The following ZAN variants were observed in gnomAD, a reference collection of about 807,000 sequenced individuals.
ZAN encodes zonadhesin.
Under a neutral mutation model 286.2 loss-of-function variants are expected in ZAN, and 260 were observed. The observed-to-expected ratio is 0.91, with a 90% CI of 0.82 to 1.01. The LOEUF is 1.01. ZAN is among the 50% of genes least tolerant of loss of function. The pLI is 0.00. For missense variants in ZAN, 3,410 were observed against 3,639.2 expected (o/e 0.94, Z 1.62); for synonymous variants, 1,368 against 1,417.5 (o/e 0.97, Z 0.79).
At chr7:100,789,682 C>T (rs781174957) in intron 39 of ZAN, among the ~76,000 whole-genome samples, 66 of 152,244 alleles carry the variant, frequency 4.3e-4, no homozygotes, top group Non-Finnish European at 8.7e-4. Context: ...CAGTGGCTCA[C>T]GCCTGTAATC....
At position 100,752,521 on chromosome 7, in the gene ZAN, G is replaced by A; in HGVS notation, c.2416G>A (p.Glu806Lys). 1 of 1,611,562 alleles carries A rather than the reference G, an allele frequency of 6.2e-7. No individual in the cohort carries two copies. The highest frequency in any genetic ancestry group is 8.5e-7 in the Non-Finnish European group (1 of 1,179,544). Residue 806 changes from glutamate to lysine, a missense_variant, in exon 14 of 48, where the codon GAG (glutamate) becomes AAG (lysine). Physicochemically the swap from Glu to Lys is moderately conservative, Grantham distance 56 (BLOSUM62 1). Coordinates refer to ENST00000613979, the MANE Select transcript of ZAN (RefSeq NM_003386.3). ...ISTEEPTTPTEETTISTEKPS... is the reference protein window; with the variant it reads ...ISTEEPTTPTKETTISTEKPS... ...CACAGAAGAGCCCACCACCCCCACTGAGGAGACCACCATCTCCACAGAAAA... is the reference window on the plus strand; with the variant it reads ...CACAGAAGAGCCCACCACCCCCACTAAGGAGACCACCATCTCCACAGAAAA...
chr7:100,791,256 C>T (rs1811937340), intron 40 of ZAN, 143 bp downstream of exon 40: 1 of 1,131,628 alleles, frequency 8.8e-7, no homozygotes, highest in African/African-American at 1.6e-5. Context: ...TTCCGTCATT[C>T]CCTCTCATCT....
At position 100,779,538 on chromosome 7, in the gene ZAN, C is replaced by T. The variant is rs545777892; in HGVS notation, c.6410C>T (p.Ala2137Val). ...GNCRAADLRR[A>V]REKCEAALRA... ...TGCAGGGCGGCCGACCTCCGCAGGG[C>T]GCGGGAAAAGTGCGAGGCAGCGCTC... The change falls in exon 35 of 48, where the codon GCG (alanine) becomes GTG (valine). Residue 2137 changes from alanine to valine, a missense_variant. Transcript: ENST00000613979. 39 of 1,612,356 alleles carry T rather than the reference C, an allele frequency of 2.4e-5. No homozygotes were observed. The highest frequency in any genetic ancestry group is 2.3e-4 in the African/African-American group (17 of 75,064).
At chr7:100,783,805 C>CATATATATACACATAT (rs1554409817) in intron 35 of ZAN, among the ~76,000 whole-genome samples, 17 of 22,846 alleles carry the variant, frequency 7.4e-4, no homozygotes, top group Admixed American at 2.2e-3. Context: ...TATATACACA[C>CATATATATACACATAT]ATATATATAT....
rs907404442 is a variant in ZAN at position 100,739,744 on chromosome 7, G to A, written c.766+1131G>A. On this transcript the variant is annotated intron_variant, in intron 7 of 47. Transcript: ENST00000613979. ...TCTATCTCGGCTCACTGCAAGCTCC[G>A]CTGCCCAGGTTCAATTGATTCTCCT... Among the ~76,000 whole-genome samples the A allele has an allele frequency of 2.9e-5, 4 of 139,460 alleles. 1 individual carries two copies. The highest frequency in any genetic ancestry group is 1.4e-4 in the Admixed American group (2 of 14,150). 91.5% of individuals were successfully genotyped at this position (139,460 alleles called of 152,430 possible).
chr7:100,742,975 A>G (rs1424161764), intron 7 of ZAN, among the ~76,000 whole-genome samples: 1 of 125,606 alleles, frequency 8.0e-6, no homozygotes, highest in African/African-American at 2.9e-5. Context: ...GTCGATGCAG[A>G]GAGGCTGTTT....
At chr7:100,776,223 CAGG>C (rs1428858096) in intron 33 of ZAN, among the ~76,000 whole-genome samples, 1 of 149,420 alleles carries the variant, frequency 6.7e-6, no homozygotes, top group Non-Finnish European at 1.5e-5. Context: ...GAGGCTGAGG[CAGG>C]AGGGTTGCTT....
At chr7:100,792,994 A>AAAAAAAAAAAAG (rs1554412977) in intron 42 of ZAN, among the ~76,000 whole-genome samples, 1 of 120,150 alleles carries the variant, frequency 8.3e-6, no homozygotes, top group African/African-American at 3.0e-5. Flanking sequence ...AAAAAAAAAA[A>AAAAAAAAAAAAG]AAAGAAAGAA....
At chr7:100,770,966 G>T (rs572146279) in intron 28 of ZAN, among the ~76,000 whole-genome samples, 1 of 152,256 alleles carries the variant, frequency 6.6e-6, no homozygotes, top group East Asian at 1.9e-4. Context: ...ACCACACCCG[G>T]CTAGTTTTTG....
At chr7:100,742,870 CGAGGGAGAGG>C (rs1413788541) in intron 7 of ZAN, among the ~76,000 whole-genome samples, 9 of 802 alleles carry the variant, frequency 0.011, no homozygotes, top group Admixed American at 0.026. Flanking sequence ...GAGACGGAGA[CGAGGGAGAGG>C]GAGGGGGAGG....
At position 100,748,494 on chromosome 7, in the gene ZAN, C is replaced by T. The variant is rs148669435; in HGVS notation, c.1249+24C>T. On this transcript the variant is annotated intron_variant, in intron 11 of 47. Transcript: ENST00000613979. ...AGGTGAGGAGATTGAGGAGCGCTCA[C>T]GCCAAGAAATCACTCAGTCTGCTCC... 7.8e-4 allele frequency: 1,243 copies of T among 1,594,448 alleles called. 7 individuals carry two copies. In the African/African-American group the frequency reaches 0.013, roughly 16 times the overall value.
In ZAN at chr7:100,755,369, G is replaced by T; in HGVS notation, c.3268G>T (p.Ala1090Ser). The T allele has an allele frequency of 2.5e-6, 4 of 1,613,602 alleles. No individual in the cohort carries two copies. In the South Asian group the frequency reaches 4.4e-5, roughly 18 times the overall value. Residue 1090 changes from alanine (A) to serine (S), a missense_variant, in exon 15 of 48, where the codon GCC becomes TCC. By Grantham distance (99) the Ala-to-Ser change is moderately conservative (BLOSUM62 1). Transcript: ENST00000613979. ...FLFSDNHCIQ[A>S]SSCNCFYNND... is the part of the protein sequence containing the mutation. The stretch of plus-strand genomic sequence containing the variant: ...GTTTAGTGACAACCACTGCATCCAG[G>T]CCTCTTCCTGCAATTGCTTCTACAA...
chr7:100,779,818 C>A, intron 35 of ZAN, 68 bp downstream of exon 35: 1 of 1,404,744 alleles, frequency 7.1e-7, no homozygotes, highest in Non-Finnish European at 9.6e-7. Context: ...TCCCTGAGAG[C>A]TCCCTCACTC....
intron 35 of ZAN, among the ~76,000 whole-genome samples, chr7:100,784,321 G>C (rs1477667006): frequency 6.6e-6 from 1 of 151,568 alleles, no homozygotes; most frequent in Non-Finnish European, 1.5e-5. Flanking sequence ...GTAGAGATGG[G>C]GTTTCACCAT....
At chr7:100,772,865 TTTTTG>T (rs1454681688) in intron 29 of ZAN, among the ~76,000 whole-genome samples, 5 of 150,504 alleles carry the variant, frequency 3.3e-5, no homozygotes, top group African/African-American at 4.9e-5. Context: ...GTCTGTTTTT[TTTTTG>T]TTTGTTTTTT....
rs1206613808 is a variant in ZAN at position 100,783,797 on chromosome 7, T to A, written c.6623-826T>A. 1.9e-4 allele frequency among the ~76,000 whole-genome samples: 6 copies of A among 31,580 alleles called. 2 individuals carry two copies. 20.7% of individuals were successfully genotyped at this position (31,580 alleles called of 152,430 possible). On this transcript the variant is annotated intron_variant, in intron 35 of 47. Transcript: ENST00000613979. Reference sequence around the variant, plus strand: ...ATATATATATATACACATATATATATATACACACATATATATATACATATA... The same window carrying A: ...ATATATATATATACACATATATATAAATACACACATATATATATACATATA...
intron 15 of ZAN, 130 bp downstream of exon 15, chr7:100,755,540 C>T: frequency 9.7e-7 from 1 of 1,030,552 alleles, no homozygotes; most frequent in South Asian, 1.7e-5. Flanking sequence ...AGCTCAGAAG[C>T]AATGGTTACA....
In ZAN at chr7:100,734,222, G is replaced by A; in HGVS notation, c.53+1G>A. 6.9e-7 allele frequency: 1 copy of A among 1,446,990 alleles called. No homozygotes were observed. The highest frequency in any genetic ancestry group is 9.4e-7 in the Non-Finnish European group (1 of 1,065,526). 89.6% of individuals were successfully genotyped at this position (1,446,990 alleles called of 1,614,324 possible). A position where few individuals can be genotyped will look rare whatever the true frequency, so the allele number is the denominator to read the frequency against. On this transcript the variant is annotated splice_donor_variant, in intron 2 of 47. Transcript: ENST00000613979. LOFTEE classifies it high-confidence loss of function. Reference sequence around the variant, plus strand: ...TTCTGGTGGGGGCTGCCCTTTTCAGGTAAGCTGGGCCCAGGGGGTAATGAT... The same window carrying A: ...TTCTGGTGGGGGCTGCCCTTTTCAGATAAGCTGGGCCCAGGGGGTAATGAT...
chr7:100,742,763 G>A (rs1369950790), intron 7 of ZAN, among the ~76,000 whole-genome samples: 1 of 60,960 alleles, frequency 1.6e-5, no homozygotes, highest in East Asian at 3.4e-4. Flanking sequence ...GGCTGAGGCA[G>A]GAGAATCAGG....
Sources: gnomAD v4.1 joint callset for allele counts (sites outside exome capture counted in the v4.1 genomes callset) on GRCh38, gnomAD v4.1.1 for gene constraint, MANE v1.5 for transcripts, NCBI Gene and HGNC (gene_info 2026-07-23, HGNC 2026-07-21) for gene names.